The following PTPRO variants were observed in gnomAD, a reference collection of about 807,000 sequenced individuals.
The protein encoded by PTPRO is receptor-type tyrosine-protein phosphatase O.
A neutral mutation model predicts 145.2 loss-of-function variants in PTPRO; 62 were observed. The ratio of observed to expected loss-of-function variants is 0.43; its 90% CI spans 0.35 to 0.53. PTPRO has a LOEUF of 0.53. PTPRO is among the 20% of genes least tolerant of loss of function. The pLI is 0.01. For missense variants in PTPRO, 1,345 were observed against 1,482.7 expected (o/e 0.91, Z 1.53); for synonymous variants, 565 against 514.7 (o/e 1.10, Z -1.32).
At chr12:15,471,243 G>A (rs912325343) in intron 1 of PTPRO, among the ~76,000 whole-genome samples, 31 of 152,136 alleles carry the variant, frequency 2.0e-4, no homozygotes, top group Middle Eastern at 3.4e-3. Flanking sequence ...AAGCAGATTT[G>A]GTGTCGCATG....
chr12:15,520,773 A>C (rs1427880368), intron 10 of PTPRO, among the ~76,000 whole-genome samples: 1 of 152,134 alleles, frequency 6.6e-6, no homozygotes, highest in Non-Finnish European at 1.5e-5. Flanking sequence ...AGACAGGTAG[A>C]TCTGGATTTG....
chr12:15,365,412 T>TTA (rs141677187), intron 1 of PTPRO, among the ~76,000 whole-genome samples: 4,378 of 151,128 alleles, frequency 0.029, 205 homozygotes, highest in African/African-American at 0.099. Flanking sequence ...CTATATATGT[T>TTA]TATATATATA....
intron 1 of PTPRO, among the ~76,000 whole-genome samples, chr12:15,470,665 A>G (rs1479081065): frequency 6.6e-6 from 1 of 152,204 alleles, no homozygotes; most frequent in Non-Finnish European, 1.5e-5. Context: ...CTGTCATTTT[A>G]CACATGCACA....
intron 1 of PTPRO, among the ~76,000 whole-genome samples, chr12:15,360,839 C>CGTGTGTATATAT (rs1197262632): frequency 3.0e-5 from 3 of 100,614 alleles, no homozygotes; most frequent in African/African-American, 1.0e-4. Flanking sequence ...TATATATATA[C>CGTGTGTATATAT]GTGTGTATAT....
In PTPRO at chr12:15,578,922, C is replaced by A; in HGVS notation, c.2899C>A (p.Arg967Ser). 6.2e-7 allele frequency: 1 copy of A among 1,600,500 alleles called. No homozygotes were observed. The highest frequency in any genetic ancestry group is 8.6e-7 in the Non-Finnish European group (1 of 1,167,704). ...ADLPLNRCKN[R>S]YTNILPYDFS... ...TCTTCCACTGAATCGATGTAAAAAC[C>A]GTTACACAAACATCCTACCATGTAA... The change falls in exon 20 of 27, where the codon CGT becomes AGT. Residue 967 changes from arginine (R) to serine (S), a missense_variant. Around this residue, in one of 3 missense-constraint regions of PTPRO, gnomAD observed 1,130 missense variants for 1,214.7 expected, o/e 0.93. Transcript: ENST00000281171.
In PTPRO at chr12:15,580,689, T is replaced by C. The variant is rs780434481; in HGVS notation, c.2998-8T>C. 2.5e-6 allele frequency: 4 copies of C among 1,613,996 alleles called. No homozygotes were observed. The highest frequency in any genetic ancestry group is 2.7e-5 in the African/African-American group (2 of 74,932). On this transcript the variant is annotated splice_polypyrimidine_tract_variant and splice_region_variant and intron_variant, in intron 21 of 26. Coordinates refer to ENST00000281171, the MANE Select transcript of PTPRO (RefSeq NM_030667.3). ...GGTTAGGTGATAATTTTGTCACTTA[T>C]CTTTCAGGGATACAACTCACCCCAG... is the stretch of plus-strand genomic sequence containing the variant.
At chr12:15,509,486 C>T (rs1198671170) in intron 7 of PTPRO, among the ~76,000 whole-genome samples, 1 of 151,668 alleles carries the variant, frequency 6.6e-6, no homozygotes, top group Non-Finnish European at 1.5e-5. Flanking sequence ...CACCTGAGGT[C>T]AGGAGTTCGA....
At chr12:15,402,855 G>A (rs1012516247) in intron 1 of PTPRO, among the ~76,000 whole-genome samples, 1 of 152,016 alleles carries the variant, frequency 6.6e-6, no homozygotes, top group African/African-American at 2.4e-5. Flanking sequence ...TTTAAAATAA[G>A]AAGATTAACG....
intron 25 of PTPRO, among the ~76,000 whole-genome samples, chr12:15,593,371 A>G (rs188956730): frequency 1.5e-3 from 224 of 152,276 alleles, no homozygotes; most frequent in Non-Finnish European, 2.2e-3. Flanking sequence ...TTATAGAGAA[A>G]CTCTGGGAAA....
chr12:15,572,558 T>G (rs1944078275), intron 19 of PTPRO, among the ~76,000 whole-genome samples: 1 of 152,244 alleles, frequency 6.6e-6, no homozygotes, highest in Non-Finnish European at 1.5e-5. Flanking sequence ...ATCTTCATCA[T>G]TTTGTTACTG....
chr12:15,487,483 T>C (rs991337905), intron 2 of PTPRO, among the ~76,000 whole-genome samples: 1 of 152,190 alleles, frequency 6.6e-6, no homozygotes, highest in Non-Finnish European at 1.5e-5. Flanking sequence ...CATTAAGGCT[T>C]CTCCTTTGTA....
At chr12:15,554,726 T>C (rs1419978419) in intron 15 of PTPRO, among the ~76,000 whole-genome samples, 2 of 152,152 alleles carry the variant, frequency 1.3e-5, no homozygotes, top group Admixed American at 1.3e-4. Context: ...TGGGTCTGCC[T>C]TTCCCAGCCC....
At chr12:15,331,289 A>G (rs1333325224) in intron 1 of PTPRO, among the ~76,000 whole-genome samples, 2 of 152,142 alleles carry the variant, frequency 1.3e-5, no homozygotes, top group Admixed American at 1.3e-4. Flanking sequence ...TTATATTAGG[A>G]AATAGGTAGG....
intron 1 of PTPRO, among the ~76,000 whole-genome samples, chr12:15,415,471 G>A (rs998280255): frequency 1.1e-4 from 17 of 150,766 alleles, no homozygotes; most frequent in Middle Eastern, 3.4e-3. Context: ...TGCAAGCTCC[G>A]CCTCCCAGGT....
In PTPRO at chr12:15,513,189, GAAAGAAAGAAAGAAAGAA is replaced by G. The variant is rs1565675848; in HGVS notation, c.1465-2307_1465-2290del. Reference sequence around the variant, plus strand: ...AGAAAGAAAGAAAGAAAGAAAGAAAGAAAGAAAGAAAGAAAGAAAGAAAGAAAGAAAGAAAGAAAAGAA... The same window carrying G: ...AGAAAGAAAGAAAGAAAGAAAGAAAGAGAAAGAAAGAAAGAAAGAAAAGAA... On this transcript the variant is annotated intron_variant, in intron 7 of 26. Transcript: ENST00000281171. Among the ~76,000 whole-genome samples the G allele has an allele frequency of 2.7e-3, 263 of 96,410 alleles. 12 individuals carry two copies. Among genetic ancestry groups the G allele is most frequent in the African/African-American group, 9.5e-3 (206 of 21,646 alleles). The allele number at this position is 96,410 out of a possible 152,430, so 63.2% of individuals were successfully genotyped here.
chr12:15,562,403 G>A (rs553444496), intron 17 of PTPRO, among the ~76,000 whole-genome samples: 2 of 152,082 alleles, frequency 1.3e-5, no homozygotes, highest in South Asian at 2.1e-4. Context: ...CAAATAACAA[G>A]AGCCATCTCC....
chr12:15,462,246 T>A (rs1486195909), intron 1 of PTPRO, among the ~76,000 whole-genome samples: 1 of 152,148 alleles, frequency 6.6e-6, no homozygotes, highest in East Asian at 1.9e-4. Flanking sequence ...TGCCTCAGTG[T>A]CCCAAGTAGC....
chr12:15,369,245 A>G (rs1372380651), intron 1 of PTPRO, among the ~76,000 whole-genome samples: 4 of 152,216 alleles, frequency 2.6e-5, no homozygotes, highest in Admixed American at 6.5e-5. Flanking sequence ...AGTGTGTTTT[A>G]GGGAAACATA....
At chr12:15,339,632 A>G (rs1387087380) in intron 1 of PTPRO, among the ~76,000 whole-genome samples, 1 of 152,162 alleles carries the variant, frequency 6.6e-6, no homozygotes, top group Admixed American at 6.5e-5. Context: ...CCCCTGGATC[A>G]TGTTGTTTAT....
Sources: gnomAD v4.1 joint callset for allele counts (sites outside exome capture counted in the v4.1 genomes callset) on GRCh38, gnomAD v4.1.1 for gene constraint, gnomAD v4.1.1 regional missense constraint, MANE v1.5 for transcripts, NCBI Gene and HGNC (gene_info 2026-07-23, HGNC 2026-07-21) for gene names.